The following MYO5B variants were observed in gnomAD, a reference collection of about 807,000 sequenced individuals.
The protein encoded by MYO5B is myosin VB.
MYO5B carries 143 observed loss-of-function variants against 229.3 expected under a neutral mutation model. The observed-to-expected ratio is 0.62, with a 90% confidence interval of 0.54 to 0.72. The LOEUF (loss-of-function observed/expected upper bound fraction) is 0.72. Ranked by LOEUF, MYO5B falls within the 30% of genes least tolerant of loss-of-function variation. MYO5B has a pLI of 0.00. For missense variants in MYO5B, 2,321 were observed against 2,331.0 expected, an observed-to-expected ratio of 1.00 and a Z score of 0.09; for synonymous variants, 918 against 885.2, an observed-to-expected ratio of 1.04 and a Z score of -0.66.
intron 21 of MYO5B, 152 bp downstream of exon 21, chr18:49,902,442 G>A (rs2024852128): frequency 1.9e-6 from 2 of 1,053,636 alleles, no homozygotes; most frequent in Non-Finnish European, 2.9e-6. Context: ...TCACTGATCT[G>A]CCTGCCACAG....
chr18:49,888,692 G>A (rs975461791), intron 22 of MYO5B, among the ~76,000 whole-genome samples: 5 of 152,162 alleles, frequency 3.3e-5, no homozygotes, highest in African/African-American at 9.7e-5. Context: ...ACTCGACCTG[G>A]GTGGGCCCAG....
At chr18:49,852,548 T>G (rs1170678738) in intron 31 of MYO5B, among the ~76,000 whole-genome samples, 2 of 152,110 alleles carry the variant, frequency 1.3e-5, no homozygotes, top group Non-Finnish European at 2.9e-5. Context: ...ATGATCTGGT[T>G]ATAAAGTGAA....
intron 17 of MYO5B, among the ~76,000 whole-genome samples, chr18:49,925,601 G>A (rs2025120305): frequency 6.6e-6 from 1 of 152,202 alleles, no homozygotes; most frequent in Non-Finnish European, 1.5e-5. Context: ...GCACAGTTCT[G>A]AGAAACAGTG....
rs56278513 is a variant in MYO5B, at chr18:49,929,610, GAA to G, written c.2004-14_2004-13del. The G allele has an allele frequency of 0.15, 178,090 of 1,157,390 alleles. 1 individual carries two copies. The highest frequency in any genetic ancestry group is 0.22 in the East Asian group (6,632 of 30,120). The allele number at this position is 1,157,390 out of a possible 1,614,324, so 71.7% of individuals were successfully genotyped here. ...TCTTTGGGTCAAAGCTGCCAAAGGA[GAA>G]AAAAAAAAAAAAAAGCAAGACAAGA... On this transcript the variant is annotated splice_polypyrimidine_tract_variant and intron_variant, in intron 16 of 39. Coordinates refer to ENST00000285039, the MANE Select transcript of MYO5B (RefSeq NM_001080467.3).
At chr18:49,966,293 G>A (rs141369844) in intron 10 of MYO5B, among the ~76,000 whole-genome samples, 10 of 152,280 alleles carry the variant, frequency 6.6e-5, no homozygotes, top group African/African-American at 1.7e-4. Flanking sequence ...CCATGCCCAC[G>A]TGTGAGAAAT....
At chr18:50,168,512 TC>T (rs1317553355) in intron 1 of MYO5B, among the ~76,000 whole-genome samples, 2 of 152,158 alleles carry the variant, frequency 1.3e-5, no homozygotes, top group East Asian at 3.9e-4. Flanking sequence ...CTTGCTGCAG[TC>T]CCCAGGATAA....
intron 1 of MYO5B, among the ~76,000 whole-genome samples, chr18:50,152,918 C>CTGT (rs1460580864): frequency 6.8e-6 from 1 of 147,864 alleles, no homozygotes; most frequent in African/African-American, 2.5e-5. Context: ...GTCCCTTGTT[C>CTGT]ATATATTGGT....
intron 1 of MYO5B, among the ~76,000 whole-genome samples, chr18:50,093,360 G>C (rs374214534): frequency 3.2e-4 from 49 of 152,292 alleles, no homozygotes; most frequent in African/African-American, 1.2e-3. Context: ...AAGTCTAGAA[G>C]ACTCTCCTAC....
chr18:49,986,208 C>T (rs531692906), intron 7 of MYO5B, among the ~76,000 whole-genome samples: 1 of 152,304 alleles, frequency 6.6e-6, no homozygotes, highest in East Asian at 1.9e-4. Flanking sequence ...TATTATCATG[C>T]ATCAGCTCTT....
intron 39 of MYO5B, among the ~76,000 whole-genome samples, chr18:49,827,308 T>A (rs186464860): frequency 1.5e-3 from 222 of 152,356 alleles, no homozygotes; most frequent in African/African-American, 5.2e-3. Context: ...CTCACATTCC[T>A]GGAGTAGCTA....
intron 3 of MYO5B, among the ~76,000 whole-genome samples, chr18:50,037,877 G>C (rs2029890744): frequency 6.6e-6 from 1 of 152,126 alleles, no homozygotes; most frequent in South Asian, 2.1e-4. Context: ...GGGCGACAGA[G>C]TGAGGCCCTG....
chr18:50,136,999 C>T (rs965603100), intron 1 of MYO5B, among the ~76,000 whole-genome samples: 4 of 152,216 alleles, frequency 2.6e-5, no homozygotes, highest in African/African-American at 9.7e-5. Context: ...AGATTAAACA[C>T]TTTACAAGGT....
chr18:49,836,949 A>C, intron 37 of MYO5B, 64 bp from the exon 38 acceptor site: 1 of 1,537,748 alleles, frequency 6.5e-7, no homozygotes, highest in Non-Finnish European at 8.9e-7. Flanking sequence ...AGAAGGGGAC[A>C]CCTGTTGTGT....
intron 27 of MYO5B, among the ~76,000 whole-genome samples, chr18:49,869,347 C>T (rs569498722): frequency 2.7e-4 from 41 of 152,294 alleles, no homozygotes; most frequent in African/African-American, 9.9e-4. Flanking sequence ...CCCAAGCCAG[C>T]CTCTTCAACA....
intron 1 of MYO5B, among the ~76,000 whole-genome samples, chr18:50,163,386 T>C (rs1364475572): frequency 8.3e-6 from 1 of 120,542 alleles, no homozygotes; most frequent in Non-Finnish European, 1.9e-5. Context: ...TGTTCCAGTT[T>C]TCCCCTCCAT....
intron 1 of MYO5B, among the ~76,000 whole-genome samples, chr18:50,138,766 G>A (rs1361539989): frequency 6.6e-6 from 1 of 152,150 alleles, no homozygotes; most frequent in African/African-American, 2.4e-5. Flanking sequence ...ATCCACAGAT[G>A]AAGAAATAGT....
chr18:50,183,735 T>C (rs1487151974), intron 1 of MYO5B, among the ~76,000 whole-genome samples: 1 of 121,990 alleles, frequency 8.2e-6, no homozygotes, highest in South Asian at 2.9e-4. Flanking sequence ...ATCCCCAATG[T>C]GGCGGGGGTG....
Position 50,005,503 on chromosome 18 carries a change from T to C in MYO5B, c.456-4092A>G, listed in dbSNP as rs577652342. On this transcript the variant is annotated intron_variant, in intron 4 of 39. Coordinates refer to ENST00000285039, the MANE Select transcript of MYO5B (RefSeq NM_001080467.3). ...ACAGCTCACTGCAGCCTCAACCTCCTGGGCTCAGGCGATCCCCCAACCACA... is the reference window on the plus strand; with the variant it reads ...ACAGCTCACTGCAGCCTCAACCTCCCGGGCTCAGGCGATCCCCCAACCACA... Among the ~76,000 whole-genome samples, 5 of 152,302 alleles carry C rather than the reference T, an allele frequency of 3.3e-5. No homozygotes were observed. In the East Asian group the frequency reaches 7.7e-4, roughly 24 times the overall value.
intron 1 of MYO5B, among the ~76,000 whole-genome samples, chr18:50,079,616 T>C (rs1252580551): frequency 6.6e-6 from 1 of 152,166 alleles, no homozygotes; most frequent in Non-Finnish European, 1.5e-5. Context: ...TATGAATGGA[T>C]GACTATGAAT....
Sources: gnomAD v4.1 joint callset for allele counts (sites outside exome capture counted in the v4.1 genomes callset) on GRCh38, gnomAD v4.1.1 for gene constraint, MANE v1.5 for transcripts, NCBI Gene and HGNC (gene_info 2026-07-23, HGNC 2026-07-21) for gene names.